Variants in PKHD1L1 observed in about 807,000 individuals in gnomAD.
PKHD1L1 encodes fibrocystin-L.
In PKHD1L1, 434 loss-of-function variants were observed where a neutral mutation model predicts 462.9. That is an observed-to-expected ratio of 0.94 (90% CI 0.87 to 1.02). The LOEUF (loss-of-function observed/expected upper bound fraction) is 1.02, where lower values mean the gene tolerates loss of function less well. PKHD1L1 is among the 50% of genes least tolerant of loss of function. The pLI is 0.00. For synonymous variants in PKHD1L1, 1,781 were observed against 1,750.0 expected (o/e 1.02, Z -0.44); for missense variants, 5,202 against 5,096.1 (o/e 1.02, Z -0.63).
intron 30 of PKHD1L1, among the ~76,000 whole-genome samples, chr8:109,437,070 C>A (rs1328924015): frequency 6.6e-6 from 1 of 152,072 alleles, no homozygotes; most frequent in Non-Finnish European, 1.5e-5. Flanking sequence ...CATGTACCAC[C>A]ACGCCCAGCT....
At position 109,433,136 on chromosome 8, in the gene PKHD1L1, T is replaced by C. The variant is rs759330720; in HGVS notation, c.3260T>C (p.Ile1087Thr). The C allele has an allele frequency of 8.7e-6, 14 of 1,613,362 alleles. No individual in the cohort carries two copies. The highest frequency in any genetic ancestry group is 4.4e-5 in the South Asian group (4 of 91,058). ...TATGAAGAAGGCACAATTCTAACCA[T>C]AGTGGGTTCTGGATTTTCTCCTAGT... is the stretch of plus-strand genomic sequence containing the variant. The part of the protein sequence containing the change: ...GSYEEGTILT[I>T]VGSGFSPSSA... The change falls in exon 28 of 78, where the codon ATA becomes ACA. Residue 1087 changes from isoleucine (I) to threonine (T), a missense_variant. This residue lies in a region of PKHD1L1 where 4,497 missense variants were observed against 4,336.8 expected (regional missense o/e 1.04). Coordinates refer to ENST00000378402, the MANE Select transcript of PKHD1L1 (RefSeq NM_177531.6).
intron 18 of PKHD1L1, among the ~76,000 whole-genome samples, chr8:109,408,816 T>C (rs1586450489): frequency 6.6e-6 from 1 of 152,194 alleles, no homozygotes; most frequent in Non-Finnish European, 1.5e-5. Flanking sequence ...AATGTCAACC[T>C]TTTATAAAGA....
At chr8:109,411,304 C>T (rs1235056880) in intron 19 of PKHD1L1, among the ~76,000 whole-genome samples, 1 of 151,930 alleles carries the variant, frequency 6.6e-6, no homozygotes, top group East Asian at 1.9e-4. Context: ...TTTGCTATTT[C>T]CAAGTGAAAA....
intron 11 of PKHD1L1, among the ~76,000 whole-genome samples, chr8:109,396,622 T>G (rs1238072525): frequency 1.3e-5 from 2 of 152,234 alleles, no homozygotes; most frequent in Admixed American, 1.3e-4. Flanking sequence ...GAGCAGTAAT[T>G]TCAATGAGTT....
intron 2 of PKHD1L1, among the ~76,000 whole-genome samples, chr8:109,365,840 GGC>G (rs748452362): frequency 9.2e-5 from 14 of 152,166 alleles, no homozygotes; most frequent in Non-Finnish European, 1.6e-4. Context: ...TGGGCATGGT[GGC>G]GCGCGCCTGT....
At chr8:109,385,259 T>C (rs1175219462) in intron 5 of PKHD1L1, among the ~76,000 whole-genome samples, 1 of 151,664 alleles carries the variant, frequency 6.6e-6, no homozygotes, top group Non-Finnish European at 1.5e-5. Flanking sequence ...CTTTTTTTTT[T>C]TTTTCTCAAA....
In PKHD1L1 at chr8:109,449,338, G is replaced by C; in HGVS notation, c.6026G>C (p.Gly2009Ala). ...LNIQNINPSQ[G>A]SFGGGQTMTV... is the part of the protein sequence containing the mutation. ...TTTCCTTTTTATTTGTCTTCACTAG[G>C]GAGCTTTGGTGGGGGTCAAACCATG... Residue 2009 changes from glycine to alanine, a missense_variant and splice_region_variant, in exon 40 of 78, where the codon GGG (glycine) becomes GCG (alanine). This residue lies in a region of PKHD1L1 where 4,497 missense variants were observed against 4,336.8 expected (regional missense o/e 1.04). Coordinates refer to ENST00000378402, the MANE Select transcript of PKHD1L1 (RefSeq NM_177531.6). 1 of 1,568,472 alleles carries C rather than the reference G, an allele frequency of 6.4e-7. No individual in the cohort carries two copies.
intron 37 of PKHD1L1, 76 bp from the exon 38 acceptor site, chr8:109,444,585 T>G: frequency 7.5e-7 from 1 of 1,329,072 alleles, no homozygotes; most frequent in Non-Finnish European, 1.0e-6. Context: ...AAATTTGTAG[T>G]TGTTGCTAAT....
At chr8:109,448,932 G>A (rs1050372315) in intron 39 of PKHD1L1, among the ~76,000 whole-genome samples, 6 of 151,978 alleles carry the variant, frequency 3.9e-5, no homozygotes, top group Admixed American at 2.6e-4. Flanking sequence ...TCACTGGTAT[G>A]TAATTATTTC....
chr8:109,437,645 T>C (rs1382616106), intron 30 of PKHD1L1, among the ~76,000 whole-genome samples: 2 of 151,870 alleles, frequency 1.3e-5, no homozygotes, highest in African/African-American at 2.4e-5. Context: ...GCAGAGTAAA[T>C]GGGGGTATTA....
intron 42 of PKHD1L1, 127 bp downstream of exon 42, chr8:109,452,407 A>G: frequency 3.3e-6 from 3 of 903,386 alleles, no homozygotes; most frequent in Non-Finnish European, 4.5e-6. Context: ...ACCATAATAA[A>G]TCTAAAGTAG....
chr8:109,380,407 T>TGGCAAATAG (rs1014152217), intron 2 of PKHD1L1, among the ~76,000 whole-genome samples: 1 of 152,202 alleles, frequency 6.6e-6, no homozygotes, highest in African/African-American at 2.4e-5. Flanking sequence ...GTTAGAGCTG[T>TGGCAAATAG]GGCAAATAGT....
Position 109,536,174 on chromosome 8 carries a change from TAAC to T in PKHD1L1, c.*6087_*6089del, listed in dbSNP as rs1821143492. Reference sequence around the variant, plus strand: ...AAGGGGATTGTACTGATCTTGAAGATAACAAATCTGCCTGCTTCAAAGGTTTCA... The same window carrying T: ...AAGGGGATTGTACTGATCTTGAAGATAAATCTGCCTGCTTCAAAGGTTTCA... On this transcript the variant is annotated 3_prime_UTR_variant, in exon 78 of 78. Coordinates refer to ENST00000378402, the MANE Select transcript of PKHD1L1 (RefSeq NM_177531.6). Among the ~76,000 whole-genome samples, 1 of 152,232 alleles carries T rather than the reference TAAC, an allele frequency of 6.6e-6. No homozygotes were observed. Among genetic ancestry groups the T allele is most frequent in the Admixed American group, 6.5e-5 (1 of 15,290 alleles).
intron 70 of PKHD1L1, 57 bp downstream of exon 70, chr8:109,508,321 G>A: frequency 6.8e-7 from 1 of 1,479,684 alleles, no homozygotes; most frequent in African/African-American, 1.4e-5. Flanking sequence ...GTTATTAAAT[G>A]CATGAAGCCA....
At chr8:109,438,542 T>C in intron 31 of PKHD1L1, 86 bp downstream of exon 31, 1 of 1,284,666 alleles carries the variant, frequency 7.8e-7, no homozygotes, top group Non-Finnish European at 1.1e-6. Context: ...GTTTCTTCTG[T>C]AGTTTTGTTT....
intron 68 of PKHD1L1, among the ~76,000 whole-genome samples, chr8:109,504,828 C>T (rs970856300): frequency 6.6e-6 from 1 of 152,054 alleles, no homozygotes; most frequent in Non-Finnish European, 1.5e-5. Context: ...CATAATGTGC[C>T]TGTAGTTCTA....
Position 109,420,568 on chromosome 8 carries a change from G to C in PKHD1L1, c.2575G>C (p.Glu859Gln). Reference sequence around the variant, plus strand: ...ATTAGCAAATAAAGGAATATTCTTAGAGCACTTTCAGGTGAATCAGACCAA... The same window carrying C: ...ATTAGCAAATAAAGGAATATTCTTACAGCACTTTCAGGTGAATCAGACCAA... ...PALANKGIFL[E>Q]HFQVNQTKTN... Residue 859 changes from glutamate (E) to glutamine (Q), a missense_variant, in exon 23 of 78, where the codon GAG becomes CAG. Glu to Gln is a conservative substitution (Grantham distance 29, BLOSUM62 2). Coordinates refer to ENST00000378402, the MANE Select transcript of PKHD1L1 (RefSeq NM_177531.6). The C allele has an allele frequency of 6.2e-7, 1 of 1,608,956 alleles. No individual in the cohort carries two copies. The highest frequency in any genetic ancestry group is 8.5e-7 in the Non-Finnish European group (1 of 1,177,910).
intron 27 of PKHD1L1, among the ~76,000 whole-genome samples, chr8:109,432,299 C>T (rs951072139): frequency 6.6e-5 from 10 of 152,064 alleles, no homozygotes; most frequent in African/African-American, 2.4e-4. Flanking sequence ...TTATTTATTC[C>T]ATTATGGTCA....
Position 109,459,657 on chromosome 8 carries a change from T to A in PKHD1L1, c.7067T>A (p.Ile2356Lys). The change falls in exon 47 of 78, where the codon ATA (isoleucine) becomes AAA (lysine). Residue 2356 changes from isoleucine (I) to lysine (K), a missense_variant. Ile to Lys is a moderately radical substitution (Grantham distance 102). Transcript: ENST00000378402. The part of the protein sequence containing the change: ...IASVSADGIN[I>K]TLSNPLNYTH... ...TCTGTGTCTGCTGATGGCATAAACATAACACTAAGTAACCCACTAAATTAC... is the reference window on the plus strand; with the variant it reads ...TCTGTGTCTGCTGATGGCATAAACAAAACACTAAGTAACCCACTAAATTAC... 3 of 1,606,330 alleles carry A rather than the reference T, an allele frequency of 1.9e-6. No homozygotes were observed. Among genetic ancestry groups the A allele is most frequent in the Non-Finnish European group, 2.6e-6 (3 of 1,175,934 alleles).
Sources: allele counts gnomAD v4.1 joint callset (sites outside exome capture counted in the v4.1 genomes callset), GRCh38; gene constraint gnomAD v4.1.1; regional missense constraint gnomAD v4.1.1; transcripts MANE v1.5; gene names NCBI Gene and HGNC (gene_info 2026-07-23, HGNC 2026-07-21).